EIF5A2: variants seen among roughly 807,000 people sequenced by gnomAD.
The protein encoded by EIF5A2 is eukaryotic translation initiation factor 5A-2.
EIF5A2 carries 15 observed loss-of-function variants against 16.4 expected under a neutral mutation model. The observed-to-expected ratio is 0.92, with a 90% CI of 0.61 to 1.41. The LOEUF is 1.41. Among genes scored for constraint, EIF5A2 ranks in the 40% most tolerant of loss-of-function variants. The pLI is 0.00. For missense variants in EIF5A2, 144 were observed against 189.5 expected, an observed-to-expected ratio of 0.76 and a Z score of 1.41; for synonymous variants, 48 against 61.1, an observed-to-expected ratio of 0.79 and a Z score of 1.00.
chr3:170,904,305 T>C (rs559692378), intron 3 of EIF5A2, among the ~76,000 whole-genome samples: 3 of 152,268 alleles, frequency 2.0e-5, no homozygotes, highest in Non-Finnish European at 4.4e-5. Flanking sequence ...GTTTCCTGTT[T>C]ACTTTTTAAT....
chr3:170,904,029 TA>T (rs1227221887), intron 3 of EIF5A2, among the ~76,000 whole-genome samples: 1 of 152,216 alleles, frequency 6.6e-6, no homozygotes, highest in Non-Finnish European at 1.5e-5. Context: ...CAGAACTTTC[TA>T]AAGAAATATG....
rs886483110 is a variant in EIF5A2 at position 170,899,873 on chromosome 3, T to C, written c.271-5450A>G. Among the ~76,000 whole-genome samples, 9 of 152,248 alleles carry C rather than the reference T, an allele frequency of 5.9e-5. No homozygotes were observed. In the South Asian group the frequency reaches 1.9e-3, roughly 32 times the overall value. ...TAAGGAAATTGTTGTAAGTATCTTC[T>C]TCTGGTCCTTTACCTTTAAACAAAC... On this transcript the variant is annotated intron_variant, in intron 3 of 4. Transcript: ENST00000295822.
chr3:170,898,295 T>C (rs969345080), intron 3 of EIF5A2, among the ~76,000 whole-genome samples: 4 of 152,162 alleles, frequency 2.6e-5, no homozygotes, highest in African/African-American at 9.7e-5. Flanking sequence ...AGTGAGAACA[T>C]GAGATTTGGA....
chr3:170,904,906 A>C (rs996291036), intron 3 of EIF5A2, among the ~76,000 whole-genome samples: 1 of 152,194 alleles, frequency 6.6e-6, no homozygotes, highest in Non-Finnish European at 1.5e-5. Flanking sequence ...ATGGAAGCAA[A>C]ACAGGTTAAG....
intron 3 of EIF5A2, among the ~76,000 whole-genome samples, chr3:170,901,735 T>C (rs1712820524): frequency 6.6e-6 from 1 of 152,128 alleles, no homozygotes; most frequent in African/African-American, 2.4e-5. Context: ...CCACAGTGCC[T>C]GGACAGGTGC....
At chr3:170,901,646 C>T (rs529469546) in intron 3 of EIF5A2, among the ~76,000 whole-genome samples, 69 of 151,678 alleles carry the variant, frequency 4.5e-4, no homozygotes, top group Middle Eastern at 6.8e-3. Flanking sequence ...GCAACCTCCA[C>T]CTCCCTGGTG....
intron 3 of EIF5A2, among the ~76,000 whole-genome samples, chr3:170,900,613 A>G (rs577918382): frequency 6.6e-6 from 1 of 152,322 alleles, no homozygotes; most frequent in African/African-American, 2.4e-5. Flanking sequence ...AAATAAGGAC[A>G]CTAACAACAA....
At chr3:170,896,700 G>GAA (rs990664574) in intron 3 of EIF5A2, among the ~76,000 whole-genome samples, 1 of 152,102 alleles carries the variant, frequency 6.6e-6, no homozygotes, top group Non-Finnish European at 1.5e-5. Context: ...ATAGCAGTGT[G>GAA]AAAAAGGACT....
At chr3:170,904,817 G>A (rs914636159) in intron 3 of EIF5A2, among the ~76,000 whole-genome samples, 18 of 152,168 alleles carry the variant, frequency 1.2e-4, no homozygotes, top group African/African-American at 3.9e-4. Flanking sequence ...TATGCCAGGC[G>A]TTGTTGTATT....
intron 3 of EIF5A2, among the ~76,000 whole-genome samples, chr3:170,897,457 C>T (rs575146420): frequency 5.3e-5 from 8 of 152,286 alleles, no homozygotes; most frequent in East Asian, 1.9e-4. Context: ...TGTATAGCCT[C>T]GGGACTTGGT....
rs1228516757 is a variant in EIF5A2, at chr3:170,890,268, G to A, written c.*3092C>T. 1.3e-5 allele frequency: 2 copies of A among 152,056 alleles called. No homozygotes were observed. Among genetic ancestry groups the A allele is most frequent in the Non-Finnish European group, 2.9e-5 (2 of 67,954 alleles). 9.4% of individuals were successfully genotyped at this position (152,056 alleles called of 1,614,324 possible). ...AAAAAGAACTAACATATAAAGTTAT[G>A]TGCGCACATGTGCACATGCAAATTG... On this transcript the variant is annotated 3_prime_UTR_variant, in exon 5 of 5. Transcript: ENST00000295822.
chr3:170,895,422 A>G (rs1712645684), intron 3 of EIF5A2, among the ~76,000 whole-genome samples: 1 of 152,206 alleles, frequency 6.6e-6, no homozygotes, highest in South Asian at 2.1e-4. Context: ...GGAATGAGTA[A>G]ACAACCAACC....
At chr3:170,907,152 A>T in intron 2 of EIF5A2, 59 bp from the exon 3 acceptor site, 1 of 1,066,736 alleles carries the variant, frequency 9.4e-7, no homozygotes, top group South Asian at 1.4e-5. Flanking sequence ...CTCATTACAC[A>T]CACAAGAGCA....
chr3:170,900,925 T>G (rs1024673037), intron 3 of EIF5A2, among the ~76,000 whole-genome samples: 1 of 152,220 alleles, frequency 6.6e-6, no homozygotes, highest in Non-Finnish European at 1.5e-5. Flanking sequence ...TGAGGCAGTA[T>G]TCACATATCT....
chr3:170,904,057 A>C (rs1247110442), intron 3 of EIF5A2, among the ~76,000 whole-genome samples: 1 of 152,210 alleles, frequency 6.6e-6, no homozygotes, highest in African/African-American at 2.4e-5. Flanking sequence ...GAGAGTGCTA[A>C]AGTCTGAATA....
chr3:170,899,596 G>A (rs1317672376), intron 3 of EIF5A2, among the ~76,000 whole-genome samples: 1 of 151,952 alleles, frequency 6.6e-6, no homozygotes, highest in Non-Finnish European at 1.5e-5. Flanking sequence ...TGTCCTCAGA[G>A]TATCCTATCA....
chr3:170,894,285 T>C lies in EIF5A2; in HGVS notation c.402+7A>G. 6.2e-7 allele frequency: 1 copy of C among 1,613,002 alleles called. No individual in the cohort carries two copies. The highest frequency in any genetic ancestry group is 8.5e-7 in the Non-Finnish European group (1 of 1,179,448). ...TTTTCAAAAATAATCCTTCTCTAAG[T>C]CTTTACCTGTACATCTTCACCTGCA... On this transcript the variant is annotated splice_region_variant and intron_variant, in intron 4 of 4. Coordinates refer to ENST00000295822, the MANE Select transcript of EIF5A2 (RefSeq NM_020390.6).
In EIF5A2 at chr3:170,902,398, CTTTTTTTTTTTTT is replaced by C. The variant is rs36044967; in HGVS notation, c.270+4578_270+4590del. 1.5e-4 allele frequency among the ~76,000 whole-genome samples: 14 copies of C among 91,386 alleles called. No homozygotes were observed. In the South Asian group the frequency reaches 3.5e-3, roughly 23 times the overall value. The allele number at this position is 91,386 out of a possible 152,430, so 60.0% of individuals were successfully genotyped here. On this transcript the variant is annotated intron_variant, in intron 3 of 4. Transcript: ENST00000295822. ...AGCTAATGTGTGAATGCCATTCAGCCTTTTTTTTTTTTTTTTTTTTTTTTGAGACCGAGTCTTG... is the reference window on the plus strand; with the variant it reads ...AGCTAATGTGTGAATGCCATTCAGCCTTTTTTTTTTTGAGACCGAGTCTTG...
chr3:170,894,458 G>C (rs758650094), intron 3 of EIF5A2, 35 bp from the exon 4 acceptor site: 1 of 1,604,066 alleles, frequency 6.2e-7, no homozygotes, highest in Non-Finnish European at 8.5e-7. Context: ...GTGCTGATTA[G>C]ATTATATCCA....
Sources: allele counts gnomAD v4.1 joint callset (sites outside exome capture counted in the v4.1 genomes callset), GRCh38; gene constraint gnomAD v4.1.1; transcripts MANE v1.5; gene names NCBI Gene and HGNC (gene_info 2026-07-23, HGNC 2026-07-21).